RNF213: variants seen among roughly 807,000 people sequenced by gnomAD.
RNF213 encodes ring finger protein 213, also known as E3 ubiquitin-protein ligase RNF213.
A neutral mutation model predicts 514.4 loss-of-function variants in RNF213; 341 were observed. That is an observed-to-expected ratio of 0.66 (90% confidence interval 0.61 to 0.73). The LOEUF (loss-of-function observed/expected upper bound fraction) is 0.73, where lower values mean the gene tolerates loss of function less well. Ranked by LOEUF, RNF213 falls within the 30% of genes least tolerant of loss-of-function variation. The pLI, the probability that RNF213 is intolerant of heterozygous loss-of-function variation, is 0.00. For synonymous variants in RNF213, 2,655 were observed against 2,658.2 expected, an observed-to-expected ratio of 1.00 and a Z score of 0.04; for missense variants, 5,767 against 6,615.6, an observed-to-expected ratio of 0.87 and a Z score of 4.45.
At position 80,343,375 on chromosome 17, in the gene RNF213, C is replaced by G; in HGVS notation, c.6183+50C>G. ...ATGGCCACATCAGTAAAGACGTGGT[C>G]CCCATGTCTCTGCGTGACTCCTCCC... On this transcript the variant is annotated intron_variant, in intron 27 of 67. Transcript: ENST00000582970. This position sits in a 1 kb window ranked among gnomAD's most constrained non-coding sequence, Gnocchi z 4.3. The G allele has an allele frequency of 1.4e-6, 2 of 1,471,810 alleles. No individual in the cohort carries two copies. The highest frequency in any genetic ancestry group is 1.9e-6 in the Non-Finnish European group (2 of 1,061,628). 91.2% of individuals were successfully genotyped at this position (1,471,810 alleles called of 1,614,324 possible).
intron 17 of RNF213, among the ~76,000 whole-genome samples, chr17:80,323,559 C>A (rs1201290565): frequency 6.6e-6 from 1 of 151,728 alleles, no homozygotes; most frequent in African/African-American, 2.4e-5. Context: ...TAGACAGAGT[C>A]TCGCCCTGTT....
chr17:80,386,386 T>C lies in RNF213; in HGVS notation c.14676T>C (p.Asn4892=). 2 of 1,614,132 alleles carry C rather than the reference T, an allele frequency of 1.2e-6. No homozygotes were observed. The highest frequency in any genetic ancestry group is 1.7e-6 in the Non-Finnish European group (2 of 1,180,040). The change falls in exon 62 of 68, where the codon AAT becomes AAC. Residue 4892 remains asparagine, a synonymous_variant. Coordinates refer to ENST00000582970, the MANE Select transcript of RNF213 (RefSeq NM_001256071.3). Reference sequence around the variant, plus strand: ...TCAGCTACTTGATTCGCCTACACAATGAAATTGTCTACGCCGTGGAAAAAC... The same window carrying C: ...TCAGCTACTTGATTCGCCTACACAACGAAATTGTCTACGCCGTGGAAAAAC... ...ALVSYLIRLH[N]EIVYAVEKLS... is the part of the protein sequence containing the mutation.
At chr17:80,388,975 G>C (rs1202152449) in intron 64 of RNF213, 198 bp from the exon 65 acceptor site, 1 of 632,696 alleles carries the variant, frequency 1.6e-6, no homozygotes, top group African/African-American at 1.8e-5. Flanking sequence ...CTCTCCGCAT[G>C]CGGGTACTGA....
At chr17:80,309,642 A>G (rs1327064245) in intron 14 of RNF213, among the ~76,000 whole-genome samples, 1 of 152,160 alleles carries the variant, frequency 6.6e-6, no homozygotes, top group African/African-American at 2.4e-5. Context: ...AGCGCCACAC[A>G]TCTGCCCCCC....
intron 3 of RNF213, chr17:80,278,901 CTG>C: frequency 2.6e-6 from 4 of 1,537,172 alleles, no homozygotes; most frequent in Middle Eastern, 1.7e-4. Flanking sequence ...CTTCTGCAGA[CTG>C]TGAGCAGGTA....
chr17:80,334,694 T>G (rs2077934931), intron 22 of RNF213, among the ~76,000 whole-genome samples: 1 of 151,930 alleles, frequency 6.6e-6, no homozygotes, highest in South Asian at 2.1e-4. Flanking sequence ...TGGCGTGATC[T>G]TGGCTCACTG....
chr17:80,276,549 A>G (rs758903949), intron 3 of RNF213, among the ~76,000 whole-genome samples: 18 of 152,226 alleles, frequency 1.2e-4, no homozygotes, highest in Admixed American at 3.9e-4. Context: ...CATGAACAAG[A>G]GAACAATAAA....
chr17:80,317,584 C>T lies in RNF213; in HGVS notation c.2901+307C>T, dbSNP rs1297517148. Among the ~76,000 whole-genome samples the T allele has an allele frequency of 6.6e-6, 1 of 152,218 alleles. No homozygotes were observed. ...TGCTGTGTTTACTTGGCCCGCCGTG[C>T]TCAACCCCTTGTGGGAGGGAGCACG... On this transcript the variant is annotated intron_variant, in intron 16 of 67. Coordinates refer to ENST00000582970, the MANE Select transcript of RNF213 (RefSeq NM_001256071.3). The surrounding 1 kb of genome is among the most constrained non-coding windows in gnomAD (Gnocchi z 4.1).
chr17:80,365,987 A>AT (rs1350738851), intron 42 of RNF213, among the ~76,000 whole-genome samples: 2 of 152,062 alleles, frequency 1.3e-5, no homozygotes, highest in African/African-American at 2.4e-5. Flanking sequence ...TTTCTGGTTT[A>AT]TTTCCTTCCA....
Position 80,354,488 on chromosome 17 carries a change from A to C in RNF213, c.10774A>C (p.Lys3592Gln). 1 of 1,614,170 alleles carries C rather than the reference A, an allele frequency of 6.2e-7. No homozygotes were observed. The highest frequency in any genetic ancestry group is 8.5e-7 in the Non-Finnish European group (1 of 1,180,042). ...SKMRLSVFLKKQEESQFHPLE... is the reference protein window; with the variant it reads ...SKMRLSVFLKQQEESQFHPLE... ...GATGCGCCTCAGTGTCTTTTTAAAGAAGCAAGAAGAGAGCCAGTTTCACCC... is the reference window on the plus strand; with the variant it reads ...GATGCGCCTCAGTGTCTTTTTAAAGCAGCAAGAAGAGAGCCAGTTTCACCC... Residue 3592 changes from lysine to glutamine, a missense_variant, in exon 36 of 68, where the codon AAG (lysine) becomes CAG (glutamine). By Grantham distance (53) the Lys-to-Gln change is moderately conservative. Transcript: ENST00000582970.
At chr17:80,272,858 C>T (rs1163752435) in intron 2 of RNF213, among the ~76,000 whole-genome samples, 4 of 152,122 alleles carry the variant, frequency 2.6e-5, no homozygotes, top group African/African-American at 9.7e-5. Flanking sequence ...AGAATGCCCA[C>T]CCTGGGGAAG....
Position 80,385,129 on chromosome 17 carries a change from G to A in RNF213, c.14413G>A (p.Glu4805Lys), listed in dbSNP as rs1568168206. The A allele has an allele frequency of 6.2e-7, 1 of 1,614,208 alleles. No individual in the cohort carries two copies. Among genetic ancestry groups the A allele is most frequent in the Non-Finnish European group, 8.5e-7 (1 of 1,180,050 alleles). Reference sequence around the variant, plus strand: ...GCAGTTCCAGAACGTCCAGCAAGTTGAATACAGCTCCATCAGAGGCTTCCT... The same window carrying A: ...GCAGTTCCAGAACGTCCAGCAAGTTAAATACAGCTCCATCAGAGGCTTCCT... ...VKQFQNVQQV[E>K]YSSIRGFLSK... The change falls in exon 60 of 68, where the codon GAA becomes AAA. Residue 4805 changes from glutamate (E) to lysine (K), a missense_variant. Physicochemically the swap from Glu to Lys is moderately conservative, Grantham distance 56 (BLOSUM62 1). Transcript: ENST00000582970.
chr17:80,341,365 T>A (rs971205064), intron 26 of RNF213: 2 of 152,250 alleles, frequency 1.3e-5, no homozygotes, highest in African/African-American at 4.8e-5. Context: ...TTTGCCATCT[T>A]GTTTCCCTTA....
chr17:80,283,539 G>A lies in RNF213; in HGVS notation c.262-4276G>A, dbSNP rs886208380. On this transcript the variant is annotated intron_variant, in intron 3 of 67. Transcript: ENST00000582970. ...AGGCCAGGCCTGGCTCCTGCCTCCA[G>A]CCTCCCCGGGCTCTGCCCAACCTCC... Among the ~76,000 whole-genome samples, 12 of 152,326 alleles carry A rather than the reference G, an allele frequency of 7.9e-5. No homozygotes were observed. In the East Asian group the frequency reaches 2.1e-3, roughly 27 times the overall value.
At chr17:80,267,720 G>T (rs1472774669) in intron 2 of RNF213, among the ~76,000 whole-genome samples, 2 of 152,198 alleles carry the variant, frequency 1.3e-5, no homozygotes, top group African/African-American at 4.8e-5. Context: ...ACATAAAAGT[G>T]CAAGGTGAAG....
intron 36 of RNF213, 78 bp downstream of exon 36, chr17:80,354,654 C>T: frequency 6.5e-7 from 1 of 1,543,036 alleles, no homozygotes; most frequent in Non-Finnish European, 8.9e-7. Flanking sequence ...ATCCTCTCTC[C>T]ATCCGGGCCA....
intron 25 of RNF213, 83 bp from the exon 26 acceptor site, chr17:80,339,118 G>C (rs1034687679): frequency 8.2e-7 from 1 of 1,212,584 alleles, no homozygotes; most frequent in African/African-American, 1.5e-5. Flanking sequence ...GTCTTTTGGC[G>C]GTAGGCCTGT....
Position 80,339,809 on chromosome 17 carries a change from G to C in RNF213, c.5442G>C (p.Gly1814=). 6.5e-7 allele frequency: 1 copy of C among 1,534,276 alleles called. No individual in the cohort carries two copies. The highest frequency in any genetic ancestry group is 2.0e-5 in the Admixed American group (1 of 50,952). The change falls in exon 26 of 68, where the codon GGG becomes GGC. Residue 1814 remains glycine, a synonymous_variant. Coordinates refer to ENST00000582970, the MANE Select transcript of RNF213 (RefSeq NM_001256071.3). Reference sequence around the variant, plus strand: ...TGGCTCACCTGGCAGGGATGGGTGGGTCTCCCGTGGAGCGTTGTCTCCCGA... The same window carrying C: ...TGGCTCACCTGGCAGGGATGGGTGGCTCTCCCGTGGAGCGTTGTCTCCCGA... ...HCLAHLAGMG[G]SPVERCLPRG...
rs1429157350 is a variant in RNF213 at position 80,339,880 on chromosome 17, C to T, written c.5513C>T (p.Ser1838Phe). The T allele has an allele frequency of 1.8e-5, 27 of 1,537,052 alleles. No individual in the cohort carries two copies. The highest frequency in any genetic ancestry group is 2.4e-5 in the Non-Finnish European group (27 of 1,146,900). ...GQPNLVVCGH[S>F]EVLPAALAVY... is the part of the protein sequence containing the mutation. ...CCCAACCTCGTCGTCTGTGGCCACTCCGAGGTGTTGCCAGCCGCCCTGGCT... is the reference window on the plus strand; with the variant it reads ...CCCAACCTCGTCGTCTGTGGCCACTTCGAGGTGTTGCCAGCCGCCCTGGCT... Residue 1838 changes from serine to phenylalanine, a missense_variant, in exon 26 of 68, where the codon TCC (serine) becomes TTC (phenylalanine). By Grantham distance (155) the Ser-to-Phe change is radical. Coordinates refer to ENST00000582970, the MANE Select transcript of RNF213 (RefSeq NM_001256071.3).
Sources: allele counts gnomAD v4.1 joint callset (sites outside exome capture counted in the v4.1 genomes callset), GRCh38; gene constraint gnomAD v4.1.1; non-coding constraint Gnocchi (gnomAD v3.1); transcripts MANE v1.5; gene names NCBI Gene and HGNC (gene_info 2026-07-23, HGNC 2026-07-21).